The following PREX1 variants were observed in gnomAD, a reference collection of about 807,000 sequenced individuals.
PREX1 encodes phosphatidylinositol-3,4,5-trisphosphate dependent Rac exchange factor 1.
Under a neutral mutation model 198.3 loss-of-function variants are expected in PREX1, and 41 were observed. The ratio of observed to expected loss-of-function variants is 0.21; its 90% CI spans 0.16 to 0.27. The LOEUF is 0.27. PREX1 is among the 10% of genes least tolerant of loss of function. The pLI, the probability that PREX1 is intolerant of heterozygous loss-of-function variation, is 1.00. For missense variants in PREX1, 1,620 were observed against 2,200.7 expected (o/e 0.74, Z 5.28); for synonymous variants, 843 against 887.2 (o/e 0.95, Z 0.89).
chr20:48,857,544 C>A, the PREX1 span, among the ~76,000 whole-genome samples: 3 of 151,030 alleles, frequency 2.0e-5, no homozygotes, highest in South Asian at 2.1e-4. Context: ...TTTAAAAAAA[C>A]CAGCCTTGAG....
At chr20:48,884,951 G>C in the PREX1 span, among the ~76,000 whole-genome samples, 3 of 152,138 alleles carry the variant, frequency 2.0e-5, no homozygotes, top group Non-Finnish European at 4.4e-5. Context: ...TTTAAATCTG[G>C]ATAATGTCCA....
chr20:48,836,188 C>A, the PREX1 span, among the ~76,000 whole-genome samples: 1 of 152,136 alleles, frequency 6.6e-6, no homozygotes, highest in Admixed American at 6.5e-5. Context: ...AAATTAAATA[C>A]CCAAGTCAGA....
intron 7 of PREX1, among the ~76,000 whole-genome samples, chr20:48,698,638 A>C (rs2123063073): frequency 6.6e-6 from 1 of 152,302 alleles, no homozygotes; most frequent in Middle Eastern, 3.4e-3. Context: ...TGAGCCAGCC[A>C]CTGGGAGATA....
rs765891477 is a variant in PREX1 at position 48,639,839 on chromosome 20, G to T, written c.3831C>A (p.Ser1277Arg). 2 of 1,613,972 alleles carry T rather than the reference G, an allele frequency of 1.2e-6. No homozygotes were observed. The highest frequency in any genetic ancestry group is 2.2e-5 in the South Asian group (2 of 91,080). The change falls in exon 30 of 40, where the codon AGC becomes AGA. Residue 1277 changes from serine (S) to arginine (R), a missense_variant. By Grantham distance (110) the Ser-to-Arg change is moderately radical. Coordinates refer to ENST00000371941, the MANE Select transcript of PREX1 (RefSeq NM_020820.4). ...GGAGGTTCCAGGGGTCCTCCTGGAT[G>T]CTAATCTGGATCAGGCTCCGGCCAC... ...TIRGRSLIQI[S>R]IQEDPWNLPN...
chr20:48,843,989 A>C, the PREX1 span, among the ~76,000 whole-genome samples: 1 of 152,194 alleles, frequency 6.6e-6, no homozygotes, highest in East Asian at 1.9e-4. Context: ...ATTTAAAAAA[A>C]GTTAGCCAGG....
intron 1 of PREX1, among the ~76,000 whole-genome samples, chr20:48,784,460 A>T (rs1452718694): frequency 6.6e-6 from 1 of 151,970 alleles, no homozygotes; most frequent in Admixed American, 6.6e-5. Flanking sequence ...AAAGTGAAGG[A>T]CTCATCTAGA....
chr20:48,799,390 C>G (rs1316332062), intron 1 of PREX1, among the ~76,000 whole-genome samples: 1 of 152,090 alleles, frequency 6.6e-6, no homozygotes, highest in Non-Finnish European at 1.5e-5. Context: ...GGAAAACGTT[C>G]GAAACATCCC....
At chr20:48,627,323 G>A (rs1391952267) in intron 39 of PREX1, among the ~76,000 whole-genome samples, 1 of 151,700 alleles carries the variant, frequency 6.6e-6, no homozygotes, top group Non-Finnish European at 1.5e-5. Context: ...ATCTCATAGA[G>A]TCACCGCCTC....
intron 1 of PREX1, among the ~76,000 whole-genome samples, chr20:48,764,610 C>T (rs2090199390): frequency 6.6e-6 from 1 of 151,932 alleles, no homozygotes; most frequent in Non-Finnish European, 1.5e-5. Flanking sequence ...TACCAAAACC[C>T]AATCTCTAGT....
At chr20:48,778,788 C>A (rs6066855) in intron 1 of PREX1, among the ~76,000 whole-genome samples, 50,976 of 152,026 alleles carry the variant, frequency 0.34, 9,380 homozygotes, top group Admixed American at 0.42. Context: ...TGCTTTAAAC[C>A]AATGATCTTG....
intron 14 of PREX1, among the ~76,000 whole-genome samples, chr20:48,672,898 T>TAA (rs1176505359): frequency 6.6e-6 from 1 of 152,180 alleles, no homozygotes; most frequent in Non-Finnish European, 1.5e-5. Flanking sequence ...TATTCTTATT[T>TAA]ATTAAGTGTC....
intron 6 of PREX1, among the ~76,000 whole-genome samples, chr20:48,701,361 C>T (rs538250443): frequency 1.5e-4 from 23 of 152,136 alleles, no homozygotes; most frequent in Admixed American, 1.2e-3. Flanking sequence ...TACAGGCATG[C>T]GCCACCATGC....
chr20:48,697,119 A>C (rs1301480216), intron 7 of PREX1, among the ~76,000 whole-genome samples: 1 of 152,228 alleles, frequency 6.6e-6, no homozygotes, highest in Non-Finnish European at 1.5e-5. Context: ...CCCTTTAGAC[A>C]CAATTTAAGT....
intron 3 of PREX1, among the ~76,000 whole-genome samples, chr20:48,741,036 T>A (rs1001980562): frequency 6.6e-6 from 1 of 151,810 alleles, no homozygotes; most frequent in Non-Finnish European, 1.5e-5. Flanking sequence ...TGAGACGGAG[T>A]CTCACACTGT....
intron 1 of PREX1, among the ~76,000 whole-genome samples, chr20:48,817,843 T>C (rs1331100014): frequency 6.6e-6 from 1 of 152,160 alleles, no homozygotes; most frequent in Non-Finnish European, 1.5e-5. Flanking sequence ...GAGCATCTAC[T>C]ATGTAGCAGG....
chr20:48,686,149 T>C (rs1193248737), intron 10 of PREX1, among the ~76,000 whole-genome samples: 1 of 151,970 alleles, frequency 6.6e-6, no homozygotes, highest in African/African-American at 2.4e-5. Context: ...CACGGTGTTG[T>C]GTGGGGATTA....
At chr20:48,725,776 A>G (rs1007597638) in intron 5 of PREX1, among the ~76,000 whole-genome samples, 9 of 152,222 alleles carry the variant, frequency 5.9e-5, no homozygotes, top group Non-Finnish European at 2.9e-5. Context: ...TGCCCTGCTC[A>G]CTGTCATTGG....
intron 13 of PREX1, among the ~76,000 whole-genome samples, chr20:48,678,476 A>AG: frequency 7.6e-6 from 1 of 131,090 alleles, no homozygotes; most frequent in African/African-American, 3.2e-5. Flanking sequence ...TCTCAAAAAA[A>AG]AAAAAGAAGA....
intron 14 of PREX1, among the ~76,000 whole-genome samples, chr20:48,672,709 C>G (rs2089684177): frequency 6.6e-6 from 1 of 152,242 alleles, no homozygotes. Context: ...GGCCTGGGCT[C>G]ACTCCCCACT....
Sources: allele counts gnomAD v4.1 joint callset (sites outside exome capture counted in the v4.1 genomes callset), GRCh38; gene constraint gnomAD v4.1.1; transcripts MANE v1.5; gene names NCBI Gene and HGNC (gene_info 2026-07-23, HGNC 2026-07-21).